The following FBXL20 variants were observed in gnomAD, a reference collection of about 807,000 sequenced individuals.
The protein encoded by FBXL20 is F-box and leucine rich repeat protein 20.
In FBXL20, 11 loss-of-function variants were observed where a neutral mutation model predicts 64.0. The ratio of observed to expected loss-of-function variants is 0.17; its 90% confidence interval spans 0.11 to 0.28. The LOEUF (loss-of-function observed/expected upper bound fraction) is 0.28. FBXL20 is among the 10% of genes least tolerant of loss of function. FBXL20 has a pLI of 1.00. For synonymous variants in FBXL20, 184 were observed against 189.0 expected (o/e 0.97, Z 0.22); for missense variants, 303 against 526.2 (o/e 0.58, Z 4.15).
chr17:39,307,121 G>C (rs200856078), intron 2 of FBXL20, among the ~76,000 whole-genome samples: 1 of 152,158 alleles, frequency 6.6e-6, no homozygotes, highest in East Asian at 1.9e-4. Flanking sequence ...TGAAAGGAAA[G>C]AAAAACATTC....
At chr17:39,349,225 C>A (rs1211931237) in intron 1 of FBXL20, among the ~76,000 whole-genome samples, 1 of 150,206 alleles carries the variant, frequency 6.7e-6, no homozygotes, top group Non-Finnish European at 1.5e-5. Context: ...GCACTCCAGC[C>A]TGGGGAACAG....
Position 39,344,171 on chromosome 17 carries a change from G to C in FBXL20, c.43-930C>G, listed in dbSNP as rs7218670. Among the ~76,000 whole-genome samples the C allele has an allele frequency of 8.9e-4, 135 of 151,426 alleles. 1 individual carries two copies. The highest frequency in any genetic ancestry group is 6.8e-3 in the Middle Eastern group (2 of 292). On this transcript the variant is annotated intron_variant, in intron 1 of 14. Transcript: ENST00000264658. Reference sequence around the variant, plus strand: ...GCCACCATACCTGGCCAACATGGCGGAACTCTGTCGCTACCAAAAAACACA... The same window carrying C: ...GCCACCATACCTGGCCAACATGGCGCAACTCTGTCGCTACCAAAAAACACA...
intron 1 of FBXL20, among the ~76,000 whole-genome samples, chr17:39,387,195 C>T (rs1164669825): frequency 1.3e-5 from 2 of 151,876 alleles, no homozygotes; most frequent in African/African-American, 2.4e-5. Flanking sequence ...TTTTACCCAA[C>T]TGCAGACTAA....
At chr17:39,331,624 T>C (rs1360611045) in intron 2 of FBXL20, among the ~76,000 whole-genome samples, 1 of 152,214 alleles carries the variant, frequency 6.6e-6, no homozygotes, top group Non-Finnish European at 1.5e-5. Context: ...ACAGTGATTG[T>C]TTATTTCTAT....
chr17:39,394,644 A>G (rs974855570), intron 1 of FBXL20, among the ~76,000 whole-genome samples: 1 of 151,198 alleles, frequency 6.6e-6, no homozygotes, highest in Non-Finnish European at 1.5e-5. Context: ...AGCTCACTGC[A>G]ACCTTCGCCT....
At chr17:39,365,108 T>C (rs1466690696) in intron 1 of FBXL20, among the ~76,000 whole-genome samples, 1 of 152,184 alleles carries the variant, frequency 6.6e-6, no homozygotes, top group Admixed American at 6.5e-5. Context: ...CTTTTGGTGG[T>C]AGGAAAATGT....
intron 2 of FBXL20, among the ~76,000 whole-genome samples, chr17:39,315,580 G>C (rs1344678818): frequency 6.6e-6 from 1 of 151,736 alleles, no homozygotes; most frequent in Non-Finnish European, 1.5e-5. Context: ...TCCAAGCAGA[G>C]TGAGGAGAGG....
intron 1 of FBXL20, among the ~76,000 whole-genome samples, chr17:39,378,089 T>C (rs1159483900): frequency 1.3e-5 from 2 of 152,130 alleles, no homozygotes; most frequent in Non-Finnish European, 2.9e-5. Context: ...CTGTACAGAA[T>C]TAGGTTGGGA....
Position 39,340,253 on chromosome 17 carries a change from T to G in FBXL20, c.104+2927A>C, listed in dbSNP as rs112824491. 3.9e-3 allele frequency among the ~76,000 whole-genome samples: 600 copies of G among 152,248 alleles called. 8 individuals carry two copies. Among genetic ancestry groups the G allele is most frequent in the African/African-American group, 0.014 (566 of 41,554 alleles). On this transcript the variant is annotated intron_variant, in intron 2 of 14. Transcript: ENST00000264658. ...CTGGGATTACAGGCATGTGCCACCA[T>G]GCCAGGCTAATTTTTGTATTTTTAG... is the stretch of plus-strand genomic sequence containing the variant.
chr17:39,358,630 T>G (rs2047764608), intron 1 of FBXL20, among the ~76,000 whole-genome samples: 2 of 151,806 alleles, frequency 1.3e-5, no homozygotes, highest in African/African-American at 4.8e-5. Flanking sequence ...TGCAGTGAGC[T>G]GAGATCAAAC....
intron 1 of FBXL20, among the ~76,000 whole-genome samples, chr17:39,353,978 T>C (rs2144596757): frequency 6.6e-6 from 1 of 152,242 alleles, no homozygotes; most frequent in South Asian, 2.1e-4. Context: ...TGAAGATTGC[T>C]TGTACAACAC....
At chr17:39,305,243 C>A (rs893930953) in intron 2 of FBXL20, among the ~76,000 whole-genome samples, 2 of 152,034 alleles carry the variant, frequency 1.3e-5, no homozygotes, top group African/African-American at 4.8e-5. Context: ...TACAAGACTC[C>A]TTTAACACAG....
At chr17:39,360,784 G>T (rs970997565) in intron 1 of FBXL20, among the ~76,000 whole-genome samples, 7 of 152,146 alleles carry the variant, frequency 4.6e-5, no homozygotes, top group Non-Finnish European at 5.9e-5. Flanking sequence ...TAGCTATTCA[G>T]ATAACAGCTT....
intron 1 of FBXL20, among the ~76,000 whole-genome samples, chr17:39,367,649 T>C (rs1260443678): frequency 1.3e-5 from 2 of 152,112 alleles, no homozygotes; most frequent in African/African-American, 4.8e-5. Flanking sequence ...TTTTCTCCTA[T>C]ATCCAAATTG....
intron 2 of FBXL20, among the ~76,000 whole-genome samples, chr17:39,340,572 A>G (rs1363451067): frequency 1.3e-5 from 2 of 152,170 alleles, no homozygotes; most frequent in Non-Finnish European, 2.9e-5. Context: ...TTGATAACTG[A>G]TATTATTGAG....
At chr17:39,401,767 G>A, upstream of FBXL20, 4 of 1,036,574 alleles carry the variant, frequency 3.9e-6, no homozygotes, top group South Asian at 4.0e-5. Flanking sequence ...GGCGGCGCGA[G>A]ACCACCCCTC....
At chr17:39,343,470 G>A (rs920107937) in intron 1 of FBXL20, among the ~76,000 whole-genome samples, 1 of 152,132 alleles carries the variant, frequency 6.6e-6, no homozygotes, top group African/African-American at 2.4e-5. Context: ...GATACATTAC[G>A]TGCCAGATAC....
At chr17:39,398,011 T>TA (rs2048200645) in intron 1 of FBXL20, among the ~76,000 whole-genome samples, 1 of 119,608 alleles carries the variant, frequency 8.4e-6, no homozygotes, top group African/African-American at 3.2e-5. Flanking sequence ...CTCACGCCTG[T>TA]AATCCCAGCA....
intron 2 of FBXL20, among the ~76,000 whole-genome samples, chr17:39,333,568 C>G (rs892576400): frequency 2.0e-5 from 3 of 152,156 alleles, no homozygotes; most frequent in African/African-American, 7.2e-5. Context: ...GGCCGCCACC[C>G]CATCTAGGAA....
Sources: gnomAD v4.1 joint callset for allele counts (sites outside exome capture counted in the v4.1 genomes callset) on GRCh38, gnomAD v4.1.1 for gene constraint, MANE v1.5 for transcripts, NCBI Gene and HGNC (gene_info 2026-07-23, HGNC 2026-07-21) for gene names.